Variants in ICA1 observed in about 807,000 individuals in gnomAD.
The protein encoded by ICA1 is islet cell autoantigen 1.
Under a neutral mutation model 71.0 loss-of-function variants are expected in ICA1, and 40 were observed. That is an observed-to-expected ratio of 0.56 (90% confidence interval 0.44 to 0.73). The LOEUF is 0.73. Ranked by LOEUF, ICA1 falls within the 30% of genes least tolerant of loss-of-function variation. The probability of loss-of-function intolerance (pLI) is 0.00; values close to 1 mark genes in which losing one functional copy is unlikely to be tolerated. For missense variants in ICA1, 578 were observed against 576.5 expected (o/e 1.00, Z -0.03); for synonymous variants, 207 against 209.5 (o/e 0.99, Z 0.10).
intron 6 of ICA1, among the ~76,000 whole-genome samples, chr7:8,187,164 A>T (rs1489948420): frequency 1.3e-5 from 2 of 152,228 alleles, no homozygotes; most frequent in Non-Finnish European, 2.9e-5. Flanking sequence ...GTGTACTTAA[A>T]TAAACCTAGA....
intron 12 of ICA1, among the ~76,000 whole-genome samples, chr7:8,135,958 T>A (rs1793264107): frequency 6.6e-6 from 1 of 152,218 alleles, no homozygotes; most frequent in African/African-American, 2.4e-5. Flanking sequence ...GATTTCTCCA[T>A]GTTATAATTA....
chr7:8,213,539 A>G (rs963783708), intron 6 of ICA1, among the ~76,000 whole-genome samples: 1 of 152,238 alleles, frequency 6.6e-6, no homozygotes, highest in African/African-American at 2.4e-5. Context: ...ATGGTTGAGC[A>G]GTGACACTCT....
rs761556020 is a variant in ICA1, at chr7:8,113,882, G to C, written c.*41C>G. The C allele has an allele frequency of 1.9e-6, 3 of 1,607,302 alleles. No individual in the cohort carries two copies. The African/African-American group carries it at 4.0e-5, about 21-fold the overall frequency. On this transcript the variant is annotated 3_prime_UTR_variant, in exon 14 of 14. Transcript: ENST00000402384. This position sits in a 1 kb window ranked among gnomAD's most constrained non-coding sequence, Gnocchi z 4.2. ...ACTTCTGCTAGCCCCCAGGGGAGCT[G>C]CTGGGGGCGGCATGTGAGTGCCCTC... is the stretch of plus-strand genomic sequence containing the variant.
intron 3 of ICA1, among the ~76,000 whole-genome samples, chr7:8,229,121 T>C (rs1799494639): frequency 6.6e-6 from 1 of 152,190 alleles, no homozygotes; most frequent in Non-Finnish European, 1.5e-5. Context: ...TATTTTGTGA[T>C]CCTAATGTAT....
chr7:8,152,820 TTCAACACCACTACCCCCACCACTA>T, intron 8 of ICA1, among the ~76,000 whole-genome samples: 1 of 80,038 alleles, frequency 1.2e-5, no homozygotes, highest in South Asian at 4.1e-4. Context: ...CACCATCTCC[TTCAACACCACTACCCCCACCACTA>T]CCACCATCAC....
chr7:8,247,534 G>A (rs981032116), intron 1 of ICA1, among the ~76,000 whole-genome samples: 1 of 152,138 alleles, frequency 6.6e-6, no homozygotes, highest in African/African-American at 2.4e-5. Context: ...CATAAGACAT[G>A]CATAGTAGTT....
intron 6 of ICA1, among the ~76,000 whole-genome samples, chr7:8,211,423 C>T (rs1329676010): frequency 1.3e-5 from 2 of 152,252 alleles, no homozygotes; most frequent in East Asian, 3.9e-4. Context: ...GTAGTTTGTC[C>T]AGCATTATGC....
chr7:8,218,562 T>G (rs1047120848), intron 5 of ICA1, 59 bp from the exon 6 acceptor site: 2 of 1,398,052 alleles, frequency 1.4e-6, no homozygotes. Context: ...TTTAAATCCT[T>G]GACATTCTGC....
At chr7:8,168,308 G>A (rs1017618942) in intron 6 of ICA1, among the ~76,000 whole-genome samples, 22 of 152,172 alleles carry the variant, frequency 1.4e-4, no homozygotes, top group African/African-American at 5.1e-4. Context: ...ATTTATTTTA[G>A]AAACACAGAA....
chr7:8,228,754 G>T, intron 3 of ICA1, 81 bp from the exon 4 acceptor site: 1 of 933,024 alleles, frequency 1.1e-6, no homozygotes, highest in Non-Finnish European at 1.6e-6. Context: ...CACAACCAGA[G>T]TGTTCAATTT....
rs573673718 is a variant in ICA1 at position 8,255,779 on chromosome 7, C to CTTTT, written c.-80+6311_-80+6314dup. Among the ~76,000 whole-genome samples the CTTTT allele has an allele frequency of 1.3e-4, 17 of 132,906 alleles. 1 individual carries two copies. Among genetic ancestry groups the CTTTT allele is most frequent in the African/African-American group, 3.6e-4 (12 of 32,886 alleles). 87.2% of individuals were successfully genotyped at this position (132,906 alleles called of 152,430 possible). A position where few individuals can be genotyped will look rare whatever the true frequency, so the allele number is the denominator to read the frequency against. On this transcript the variant is annotated intron_variant, in intron 1 of 13. Transcript: ENST00000402384. ...TAAGTTGAAAACCTCACTTCTTTCT[C>CTTTT]TTTTTTTTTTTTTTTGGCAGGGTCT... is the stretch of plus-strand genomic sequence containing the variant.
intron 1 of ICA1, among the ~76,000 whole-genome samples, chr7:8,241,463 T>C (rs1410986101): frequency 3.3e-5 from 5 of 152,328 alleles, no homozygotes; most frequent in African/African-American, 1.2e-4. Flanking sequence ...TGCAAAAACA[T>C]GCCAAATTGT....
chr7:8,198,708 G>A (rs1788526376), intron 6 of ICA1, among the ~76,000 whole-genome samples: 1 of 152,182 alleles, frequency 6.6e-6, no homozygotes, highest in South Asian at 2.1e-4. Context: ...TTGGATGTAG[G>A]AGGTGTGAGA....
At chr7:8,120,339 G>C (rs534854918) in intron 13 of ICA1, among the ~76,000 whole-genome samples, 2 of 152,262 alleles carry the variant, frequency 1.3e-5, no homozygotes, top group Admixed American at 1.3e-4. Flanking sequence ...CAAATACTAA[G>C]CTCAGCTACA....
chr7:8,200,711 G>A (rs3807825), intron 6 of ICA1, among the ~76,000 whole-genome samples: 100,160 of 151,964 alleles, frequency 0.66, 38,228 homozygotes, highest in South Asian at 0.88. Flanking sequence ...AGATTCTTCA[G>A]TATAATGAAA....
At chr7:8,227,623 T>TTC (rs1563098010) in intron 4 of ICA1, 30 of 381,260 alleles carry the variant, frequency 7.9e-5, no homozygotes, top group South Asian at 1.6e-4. Context: ...TTTTTTTTTT[T>TTC]CTAAGAGATC....
Position 8,157,197 on chromosome 7 carries a change from A to C in ICA1, c.723T>G (p.Phe241Leu). Residue 241 changes from phenylalanine (F) to leucine (L), a missense_variant, in exon 8 of 14, where the codon TTT (phenylalanine) becomes TTG (leucine). By Grantham distance (22) the Phe-to-Leu change is conservative. Coordinates refer to ENST00000402384, the MANE Select transcript of ICA1 (RefSeq NM_001136020.3). ...CCATAGTGTGAGAAGTTTTCTCCCAAAAATGAAGCAGAGTGGTCTGCAAAG... is the reference window on the plus strand; with the variant it reads ...CCATAGTGTGAGAAGTTTTCTCCCACAAATGAAGCAGAGTGGTCTGCAAAG... The part of the protein sequence containing the change: ...LATYQTTLLH[F>L]WEKTSHTMAA... The C allele has an allele frequency of 6.2e-7, 1 of 1,606,684 alleles. No homozygotes were observed. The highest frequency in any genetic ancestry group is 2.2e-5 in the East Asian group (1 of 44,846).
intron 6 of ICA1, among the ~76,000 whole-genome samples, chr7:8,168,218 T>G (rs1245638364): frequency 3.3e-5 from 5 of 152,138 alleles, no homozygotes; most frequent in Admixed American, 1.3e-4. Context: ...TTTTGCCTGC[T>G]TAGCAATTCA....
At chr7:8,156,935 AAAAAAAAAAAAAAAAAAAAGAAAG>A in intron 8 of ICA1, 157 bp downstream of exon 8, 1 of 1,097,808 alleles carries the variant, frequency 9.1e-7, no homozygotes, top group Non-Finnish European at 1.2e-6. Context: ...GCAGTAAAAA[AAAAAAAAAAAAAAAAAAAAGAAAG>A]AAAGAAAGAA....
Sources: gnomAD v4.1 joint callset for allele counts (sites outside exome capture counted in the v4.1 genomes callset) on GRCh38, gnomAD v4.1.1 for gene constraint, Gnocchi (gnomAD v3.1) non-coding constraint, MANE v1.5 for transcripts, NCBI Gene and HGNC (gene_info 2026-07-23, HGNC 2026-07-21) for gene names.